Variants in AKAP9 observed in about 807,000 individuals in gnomAD.
The protein encoded by AKAP9 is A-kinase anchor protein 9.
A neutral mutation model predicts 488.5 loss-of-function variants in AKAP9; 311 were observed. The observed-to-expected ratio is 0.64, with a 90% CI of 0.58 to 0.70. The LOEUF is 0.70. AKAP9 is among the 30% of genes least tolerant of loss of function. The pLI is 0.00. For synonymous variants in AKAP9, 1,462 were observed against 1,483.5 expected (o/e 0.99, Z 0.33); for missense variants, 4,215 against 4,374.5 (o/e 0.96, Z 1.03).
chr7:92,098,401 G>A (rs934737378), intron 43 of AKAP9, among the ~76,000 whole-genome samples, 187 bp downstream of exon 43: 1 of 151,922 alleles, frequency 6.6e-6, no homozygotes, highest in East Asian at 1.9e-4. Context: ...GCTTAGGGGG[G>A]GAATTAGCTT....
intron 8 of AKAP9, among the ~76,000 whole-genome samples, chr7:92,003,711 A>G (rs1799453732): frequency 6.6e-6 from 1 of 150,988 alleles, no homozygotes; most frequent in South Asian, 2.1e-4. Flanking sequence ...TTCCTGGGAG[A>G]AAAAAAAACC....
rs961665014 is a variant in AKAP9, at chr7:92,002,272, A to G, written c.2355A>G (p.Lys785=). 1.9e-6 allele frequency: 3 copies of G among 1,603,612 alleles called. No individual in the cohort carries two copies. Among genetic ancestry groups the G allele is most frequent in the Admixed American group, 1.7e-5 (1 of 57,872 alleles). The change falls in exon 8 of 50, where the codon AAA becomes AAG. Residue 785 remains lysine (K), a synonymous_variant. Transcript: ENST00000356239. ...AENSILKDEK[K]TLEDMLKIHT... is the part of the protein sequence containing the mutation. ...ATAGCATTCTTAAAGATGAAAAGAA[A>G]ACCCTTGAAGACATGTTGAAAATAC...
chr7:91,948,375 C>T (rs1303801132), intron 1 of AKAP9, among the ~76,000 whole-genome samples: 1 of 152,058 alleles, frequency 6.6e-6, no homozygotes, highest in Admixed American at 6.5e-5. Flanking sequence ...AGTGACTGTA[C>T]CATTTTACCT....
chr7:91,971,780 A>G (rs1397536595), intron 1 of AKAP9, among the ~76,000 whole-genome samples: 3 of 151,362 alleles, frequency 2.0e-5, no homozygotes, highest in Admixed American at 2.0e-4. Flanking sequence ...TGTGTCAGCC[A>G]GGATGGTCTC....
chr7:91,995,706 A>C lies in AKAP9; in HGVS notation c.836A>C (p.Glu279Ala). ...CTCACTCATCAACAGCAGCTTGAAG[A>C]ACAAGACCACTTATTAGAAGATTAT... is the stretch of plus-strand genomic sequence containing the variant. Reference protein sequence around the residue: ...QILTHQQQLEEQDHLLEDYQK... With the variant: ...QILTHQQQLEAQDHLLEDYQK... Residue 279 changes from glutamate (E) to alanine (A), a missense_variant, in exon 7 of 50, where the codon GAA becomes GCA. Around this residue, in one of 5 missense-constraint regions of AKAP9, gnomAD observed 2,361 missense variants for 2,430.0 expected, o/e 0.97. Coordinates refer to ENST00000356239, the MANE Select transcript of AKAP9 (RefSeq NM_005751.5). The C allele has an allele frequency of 6.2e-7, 1 of 1,614,086 alleles. No homozygotes were observed. Among genetic ancestry groups the C allele is most frequent in the South Asian group, 1.1e-5 (1 of 91,086 alleles).
At position 92,031,525 on chromosome 7, in the gene AKAP9, T is replaced by G. The variant is rs184184931; in HGVS notation, c.4259T>G (p.Phe1420Cys). 145 of 1,611,348 alleles carry G rather than the reference T, an allele frequency of 9.0e-5. 1 individual carries two copies. In the Admixed American group the frequency reaches 2.3e-3, roughly 26 times the overall value. The change falls in exon 16 of 50, where the codon TTT (phenylalanine) becomes TGT (cysteine). Residue 1420 changes from phenylalanine (F) to cysteine (C), a missense_variant. Coordinates refer to ENST00000356239, the MANE Select transcript of AKAP9 (RefSeq NM_005751.5). ...IDGTIEFSGE[F>C]GVKEETNIVK... Reference sequence around the variant, plus strand: ...TTTTAAATGTAGTTTTCTGGTGAATTTGGAGTGAAAGAGGAAACAAATATC... The same window carrying G: ...TTTTAAATGTAGTTTTCTGGTGAATGTGGAGTGAAAGAGGAAACAAATATC...
intron 47 of AKAP9, 24 bp downstream of exon 47, chr7:92,105,787 C>T (rs1366948138): frequency 6.3e-7 from 1 of 1,583,860 alleles, no homozygotes; most frequent in South Asian, 1.1e-5. Context: ...AGCATATTTT[C>T]TTATGTTTAT....
At chr7:92,086,437 A>G (rs1314135349) in intron 37 of AKAP9, 21 bp downstream of exon 37, 10 of 1,571,570 alleles carry the variant, frequency 6.4e-6, no homozygotes, top group Non-Finnish European at 8.8e-7. Context: ...ACTTCATTTT[A>G]AAAACACTTT....
At chr7:92,048,733 C>A (rs998326142) in intron 21 of AKAP9, among the ~76,000 whole-genome samples, 7 of 152,162 alleles carry the variant, frequency 4.6e-5, no homozygotes, top group Non-Finnish European at 1.0e-4. Flanking sequence ...ATGGTGAAAC[C>A]CCGTCTCTAC....
intron 10 of AKAP9, among the ~76,000 whole-genome samples, chr7:92,015,262 T>C (rs184656635): frequency 4.9e-4 from 75 of 152,308 alleles, no homozygotes; most frequent in Middle Eastern, 3.4e-3. Flanking sequence ...TAAATGATGA[T>C]AGAAGTGTCT....
chr7:92,093,648 CA>C (rs1367830854), intron 39 of AKAP9, among the ~76,000 whole-genome samples: 1 of 151,972 alleles, frequency 6.6e-6, no homozygotes, highest in Non-Finnish European at 1.5e-5. Flanking sequence ...CTAAAATATG[CA>C]AAATATTTGA....
At chr7:92,025,129 G>A (rs1352244919) in intron 14 of AKAP9, among the ~76,000 whole-genome samples, 1 of 152,056 alleles carries the variant, frequency 6.6e-6, no homozygotes, top group African/African-American at 2.4e-5. Context: ...ATTGACATTT[G>A]GAAACCACTG....
At chr7:92,081,641 A>G (rs985385101) in intron 31 of AKAP9, among the ~76,000 whole-genome samples, 1 of 151,752 alleles carries the variant, frequency 6.6e-6, no homozygotes, top group African/African-American at 2.4e-5. Flanking sequence ...AGCTTTTACA[A>G]ATTTTATACC....
At chr7:92,020,239 C>T (rs961406279) in intron 12 of AKAP9, among the ~76,000 whole-genome samples, 4 of 152,122 alleles carry the variant, frequency 2.6e-5, no homozygotes, top group African/African-American at 7.2e-5. Context: ...TCTAATATTC[C>T]TCCTCATTTC....
chr7:92,084,946 A>G lies in AKAP9; in HGVS notation c.8832+6A>G, dbSNP rs768340278. 2 of 1,612,350 alleles carry G rather than the reference A, an allele frequency of 1.2e-6. No homozygotes were observed. The highest frequency in any genetic ancestry group is 1.7e-6 in the Non-Finnish European group (2 of 1,179,032). The stretch of plus-strand genomic sequence containing the variant: ...CCTTTCCAAAGAAAATAAAGGTACT[A>G]AAAGATAGATACCTTTTATTAACTC... On this transcript the variant is annotated splice_donor_region_variant and intron_variant, in intron 35 of 49. Coordinates refer to ENST00000356239, the MANE Select transcript of AKAP9 (RefSeq NM_005751.5).
intron 8 of AKAP9, among the ~76,000 whole-genome samples, chr7:92,006,009 T>C (rs973132282): frequency 1.3e-5 from 2 of 152,140 alleles, no homozygotes; most frequent in Non-Finnish European, 2.9e-5. Flanking sequence ...TGTCTGGAAT[T>C]GTTTTCAAAA....
intron 1 of AKAP9, among the ~76,000 whole-genome samples, chr7:91,945,960 A>G (rs1010144009): frequency 1.3e-5 from 2 of 152,224 alleles, no homozygotes; most frequent in African/African-American, 4.8e-5. Flanking sequence ...TCAGTATTTT[A>G]TATAATGGGC....
chr7:92,002,742 T>C lies in AKAP9; in HGVS notation c.2825T>C (p.Met942Thr). The change falls in exon 8 of 50, where the codon ATG becomes ACG. Residue 942 changes from methionine (M) to threonine (T), a missense_variant. Coordinates refer to ENST00000356239, the MANE Select transcript of AKAP9 (RefSeq NM_005751.5). ...GTTGAAAAGGATACAACAGAACTCA[T>C]GGAAAAACTTGAGGTAACCAAGCGA... ...EVVEKDTTEL[M>T]EKLEVTKREK... 1 of 1,613,626 alleles carries C rather than the reference T, an allele frequency of 6.2e-7. No homozygotes were observed. The highest frequency in any genetic ancestry group is 8.5e-7 in the Non-Finnish European group (1 of 1,179,720).
At position 92,097,356 on chromosome 7, in the gene AKAP9, A is replaced by T. The variant is rs766586108; in HGVS notation, c.10397A>T (p.Glu3466Val). Residue 3466 changes from glutamate (E) to valine (V), a missense_variant and splice_region_variant, in exon 41 of 50, where the codon GAG (glutamate) becomes GTG (valine). Physicochemically the swap from Glu to Val is moderately radical, Grantham distance 121 (BLOSUM62 -2). This residue lies in a region of AKAP9 where 1,476 missense variants were observed against 1,477.4 expected (regional missense o/e 1.00). Coordinates refer to ENST00000356239, the MANE Select transcript of AKAP9 (RefSeq NM_005751.5). ...AGAATTCTGTATCAGAACCTTAATG[A>T]GGTAAACTGACAGTTTCTTTTTAGA... ...SRRILYQNLN[E>V]PTTWSLTSDR... The T allele has an allele frequency of 1.9e-6, 3 of 1,612,886 alleles. No homozygotes were observed. The highest frequency in any genetic ancestry group is 2.2e-5 in the South Asian group (2 of 90,814).
Sources: allele counts gnomAD v4.1 joint callset (sites outside exome capture counted in the v4.1 genomes callset), GRCh38; gene constraint gnomAD v4.1.1; regional missense constraint gnomAD v4.1.1; transcripts MANE v1.5; gene names NCBI Gene and HGNC (gene_info 2026-07-23, HGNC 2026-07-21).